GALNT13: variants seen among roughly 807,000 people sequenced by gnomAD.
The protein encoded by GALNT13 is polypeptide N-acetylgalactosaminyltransferase 13.
A neutral mutation model predicts 64.2 loss-of-function variants in GALNT13; 28 were observed. The observed-to-expected ratio is 0.44, with a 90% confidence interval of 0.32 to 0.60. The LOEUF is 0.60. Among genes scored for constraint, GALNT13 ranks in the 20% least tolerant of loss-of-function variants. The pLI is 0.05. For synonymous variants in GALNT13, 214 were observed against 224.6 expected (o/e 0.95, Z 0.42); for missense variants, 577 against 669.8 (o/e 0.86, Z 1.53).
chr2:153,597,933 A>C, the GALNT13 span, among the ~76,000 whole-genome samples: 1 of 152,136 alleles, frequency 6.6e-6, no homozygotes, highest in South Asian at 2.1e-4. Flanking sequence ...AGATGATAGC[A>C]AGCATTGGCA....
the GALNT13 span, among the ~76,000 whole-genome samples, chr2:153,359,750 G>A: frequency 1.3e-5 from 2 of 150,054 alleles, no homozygotes; most frequent in East Asian, 2.0e-4. Context: ...GATGTTGAAA[G>A]TATTTGACAG....
At chr2:153,780,384 C>G in the GALNT13 span, among the ~76,000 whole-genome samples, 1,872 of 151,958 alleles carry the variant, frequency 0.012, 34 homozygotes, top group African/African-American at 0.042. Flanking sequence ...CTGCTGATCC[C>G]TCAATGCTGT....
the GALNT13 span, among the ~76,000 whole-genome samples, chr2:153,340,338 A>G: frequency 6.6e-6 from 1 of 152,002 alleles, no homozygotes; most frequent in African/African-American, 2.4e-5. Flanking sequence ...TCTGGATAGG[A>G]CTTCTAGTAC....
At chr2:154,232,413 G>A (rs79605411) in intron 4 of GALNT13, among the ~76,000 whole-genome samples, 6,868 of 152,092 alleles carry the variant, frequency 0.045, 531 homozygotes, top group African/African-American at 0.16. Flanking sequence ...ACCAGGCCTT[G>A]ATGGACGTTA....
chr2:154,201,317 A>G (rs776377976), intron 4 of GALNT13, among the ~76,000 whole-genome samples: 9 of 152,132 alleles, frequency 5.9e-5, no homozygotes, highest in African/African-American at 1.7e-4. Flanking sequence ...AAATCCTGGC[A>G]TGTCATAGAA....
intron 3 of GALNT13, among the ~76,000 whole-genome samples, chr2:153,961,838 T>C (rs566735574): frequency 6.6e-6 from 1 of 152,290 alleles, no homozygotes; most frequent in African/African-American, 2.4e-5. Context: ...GTAGAAATTA[T>C]TGTAATTAAA....
the GALNT13 span, among the ~76,000 whole-genome samples, chr2:153,466,588 C>T: frequency 6.6e-6 from 1 of 151,960 alleles, no homozygotes; most frequent in Non-Finnish European, 1.5e-5. Flanking sequence ...GGTTCAGTGC[C>T]TCCCTTGGTG....
the GALNT13 span, among the ~76,000 whole-genome samples, chr2:153,533,731 T>TTTTTTTTTTTTTTTTTTTTTTTG: frequency 9.4e-6 from 1 of 105,958 alleles, no homozygotes; most frequent in Non-Finnish European, 2.1e-5. Flanking sequence ...TTCTTTTTTT[T>TTTTTTTTTTTTTTTTTTTTTTTG]TTTTTTTTTT....
At chr2:154,219,593 A>C (rs1462891789) in intron 4 of GALNT13, among the ~76,000 whole-genome samples, 1 of 152,126 alleles carries the variant, frequency 6.6e-6, no homozygotes, top group Non-Finnish European at 1.5e-5. Context: ...GGTGTCTTAC[A>C]AATTCACCAC....
At chr2:153,818,522 C>T in the GALNT13 span, among the ~76,000 whole-genome samples, 24 of 152,328 alleles carry the variant, frequency 1.6e-4, no homozygotes, top group Admixed American at 1.4e-3. Flanking sequence ...GCCCCAGCTG[C>T]ACCTTGCCAG....
the GALNT13 span, among the ~76,000 whole-genome samples, chr2:153,712,814 C>A: frequency 2.0e-5 from 3 of 152,166 alleles, no homozygotes; most frequent in African/African-American, 7.2e-5. Flanking sequence ...CAGTATCTAA[C>A]CACTGAAGCT....
chr2:153,309,899 G>A, the GALNT13 span, among the ~76,000 whole-genome samples: 3 of 152,006 alleles, frequency 2.0e-5, no homozygotes, highest in African/African-American at 4.8e-5. Context: ...GAATATAGTT[G>A]TACATTCAGA....
chr2:153,925,498 C>CTTT (rs35443709), intron 2 of GALNT13, among the ~76,000 whole-genome samples: 6 of 117,652 alleles, frequency 5.1e-5, no homozygotes, highest in Admixed American at 8.9e-5. Flanking sequence ...AAGCCTCGAG[C>CTTT]TTTTTTTTTT....
chr2:154,197,718 G>C (rs1439723108), intron 4 of GALNT13, among the ~76,000 whole-genome samples: 1 of 144,678 alleles, frequency 6.9e-6, no homozygotes, highest in Admixed American at 6.9e-5. Flanking sequence ...CTATTCATTG[G>C]ACAGCATCCA....
At chr2:154,120,192 G>A (rs1681860110) in intron 3 of GALNT13, among the ~76,000 whole-genome samples, 1 of 152,142 alleles carries the variant, frequency 6.6e-6, no homozygotes, top group African/African-American at 2.4e-5. Flanking sequence ...TTTCCAGTTG[G>A]CTTGGCTGCT....
At chr2:153,640,690 G>A in the GALNT13 span, among the ~76,000 whole-genome samples, 1 of 152,224 alleles carries the variant, frequency 6.6e-6, no homozygotes, top group Non-Finnish European at 1.5e-5. Context: ...GCTGAGGCGG[G>A]AGGATCACCT....
chr2:154,399,712 G>A (rs1398721295), intron 10 of GALNT13, among the ~76,000 whole-genome samples: 2 of 152,070 alleles, frequency 1.3e-5, no homozygotes, highest in Non-Finnish European at 2.9e-5. Flanking sequence ...TTTGGATAAA[G>A]GCATTCAGAC....
At chr2:154,084,383 C>T (rs772413718) in intron 3 of GALNT13, among the ~76,000 whole-genome samples, 7 of 151,556 alleles carry the variant, frequency 4.6e-5, no homozygotes, top group Non-Finnish European at 1.0e-4. Flanking sequence ...TGATATATCT[C>T]GAGTATGAAA....
At chr2:154,351,788 G>A (rs1419374247) in intron 9 of GALNT13, among the ~76,000 whole-genome samples, 3 of 140,800 alleles carry the variant, frequency 2.1e-5, no homozygotes, top group Middle Eastern at 4.5e-3. Flanking sequence ...AGACCATATC[G>A]ATCTATGTAT....
Sources: gnomAD v4.1 joint callset for allele counts (sites outside exome capture counted in the v4.1 genomes callset) on GRCh38, gnomAD v4.1.1 for gene constraint, MANE v1.5 for transcripts, NCBI Gene and HGNC (gene_info 2026-07-23, HGNC 2026-07-21) for gene names.